Variants in AP4E1 observed in about 807,000 individuals in gnomAD.
AP4E1 encodes the protein AP-4 complex subunit epsilon-1.
In AP4E1, 56 loss-of-function variants were observed where a neutral mutation model predicts 128.2. That is an observed-to-expected ratio of 0.44 (90% CI 0.35 to 0.55). AP4E1 has a LOEUF of 0.55. AP4E1 is among the 20% of genes least tolerant of loss of function. AP4E1 has a pLI of 0.00. For missense variants in AP4E1, 1,324 were observed against 1,307.7 expected, an observed-to-expected ratio of 1.01 and a Z score of -0.19; for synonymous variants, 484 against 473.1, an observed-to-expected ratio of 1.02 and a Z score of -0.30.
intron 13 of AP4E1, among the ~76,000 whole-genome samples, chr15:50,954,716 T>G (rs920193100): frequency 6.6e-6 from 1 of 152,200 alleles, no homozygotes. Flanking sequence ...AAAAGTTACT[T>G]TAAGTTCTAG....
At chr15:50,910,286 A>ACAGG (rs2063549296) in intron 1 of AP4E1, among the ~76,000 whole-genome samples, 1 of 152,058 alleles carries the variant, frequency 6.6e-6, no homozygotes, top group Non-Finnish European at 1.5e-5. Flanking sequence ...CCGGGCCCCC[A>ACAGG]CAGGCGCTCG....
In AP4E1 at chr15:50,992,052, A is replaced by G. The variant is rs972281921; in HGVS notation, c.2091-1318A>G. On this transcript the variant is annotated intron_variant, in intron 16 of 20. Transcript: ENST00000261842. ...TTGACCCTTGAACAATATGGGTTAA[A>G]CTGTGCGGGTCCACTTAATACACAG... Among the ~76,000 whole-genome samples, 3 of 151,702 alleles carry G rather than the reference A, an allele frequency of 2.0e-5. No individual in the cohort carries two copies. The South Asian group carries it at 6.3e-4, about 32-fold the overall frequency.
chr15:50,967,455 C>T (rs1028757371), intron 14 of AP4E1, among the ~76,000 whole-genome samples: 1 of 152,188 alleles, frequency 6.6e-6, no homozygotes, highest in African/African-American at 2.4e-5. Context: ...GGAATGTTGG[C>T]AGTCTCTAAA....
chr15:50,970,556 A>G (rs1341061047), intron 15 of AP4E1, among the ~76,000 whole-genome samples: 2 of 152,194 alleles, frequency 1.3e-5, no homozygotes, highest in Admixed American at 6.5e-5. Context: ...TGTTGGGTAC[A>G]TATATATTTA....
chr15:50,988,922 T>C (rs945557857), intron 16 of AP4E1, among the ~76,000 whole-genome samples: 8 of 152,216 alleles, frequency 5.3e-5, no homozygotes, highest in African/African-American at 1.2e-4. Flanking sequence ...TTCATCCTTG[T>C]TAGGTATACT....
chr15:50,998,751 A>G (rs2064916539), intron 18 of AP4E1, among the ~76,000 whole-genome samples: 1 of 152,192 alleles, frequency 6.6e-6, no homozygotes, highest in Non-Finnish European at 1.5e-5. Context: ...ATTTGTATTT[A>G]TATTTATATT....
At chr15:50,956,546 A>AG (rs1309427588) in intron 13 of AP4E1, among the ~76,000 whole-genome samples, 2 of 152,192 alleles carry the variant, frequency 1.3e-5, no homozygotes, top group East Asian at 3.9e-4. Context: ...GGGAGGCCTC[A>AG]GGAAACTTAA....
At chr15:50,908,977 C>T in intron 1 of AP4E1, 49 bp downstream of exon 1, 1 of 1,604,150 alleles carries the variant, frequency 6.2e-7, no homozygotes. Flanking sequence ...GTGAGGCCCC[C>T]GCGCCAGGAG....
At chr15:50,983,919 G>A in intron 15 of AP4E1, 103 bp from the exon 16 acceptor site, 1 of 1,149,020 alleles carries the variant, frequency 8.7e-7, no homozygotes, top group Non-Finnish European at 1.3e-6. Flanking sequence ...TTTAAAAATG[G>A]CTATTAGTTC....
chr15:50,963,786 A>G (rs2064349563), intron 14 of AP4E1, among the ~76,000 whole-genome samples: 1 of 152,272 alleles, frequency 6.6e-6, no homozygotes, highest in African/African-American at 2.4e-5. Flanking sequence ...TACGTATTAC[A>G]CATTCTATGC....
intron 16 of AP4E1, among the ~76,000 whole-genome samples, chr15:50,989,174 T>C (rs1343123005): frequency 2.0e-5 from 3 of 152,220 alleles, no homozygotes; most frequent in African/African-American, 7.2e-5. Context: ...GACAGTAAAG[T>C]AAGGAAATGG....
chr15:50,909,371 T>C (rs1319829211), intron 1 of AP4E1, among the ~76,000 whole-genome samples: 1 of 152,188 alleles, frequency 6.6e-6, no homozygotes, highest in African/African-American at 2.4e-5. Flanking sequence ...TCTCCCCCGG[T>C]GCCTTCAACT....
rs1428342608 is a variant in AP4E1 at position 50,925,095 on chromosome 15, CAG to C, written c.421-2_421-1del. On this transcript the variant is annotated splice_acceptor_variant, in intron 4 of 20. Transcript: ENST00000261842. LOFTEE classifies it high-confidence loss of function. ...ATGTTTTCTTTGCTTAATGTTGTGC[CAG>C]GATCTGCAGAGCACTAACCTAGTAG... The C allele has an allele frequency of 6.2e-7, 1 of 1,613,790 alleles. No homozygotes were observed. Among genetic ancestry groups the C allele is most frequent in the African/African-American group, 1.3e-5 (1 of 75,026 alleles).
chr15:50,976,680 A>C (rs997717116), intron 15 of AP4E1, among the ~76,000 whole-genome samples: 2 of 152,244 alleles, frequency 1.3e-5, no homozygotes, highest in East Asian at 1.9e-4. Flanking sequence ...GGAAAGTTGT[A>C]GGATGCAAAG....
intron 20 of AP4E1, among the ~76,000 whole-genome samples, chr15:51,001,928 G>T (rs1311936460): frequency 6.6e-6 from 1 of 152,070 alleles, no homozygotes; most frequent in Non-Finnish European, 1.5e-5. Flanking sequence ...ACCCATGCTG[G>T]AGTACAGTGG....
chr15:50,958,344 A>C, intron 13 of AP4E1, 148 bp from the exon 14 acceptor site: 1 of 663,838 alleles, frequency 1.5e-6, no homozygotes, highest in South Asian at 2.1e-5. Context: ...TAAAATATAC[A>C]GTTGTATCTT....
At chr15:50,936,357 T>A (rs2063908112) in intron 8 of AP4E1, among the ~76,000 whole-genome samples, 1 of 152,034 alleles carries the variant, frequency 6.6e-6, no homozygotes, top group Non-Finnish European at 1.5e-5. Flanking sequence ...GTTAAAAATC[T>A]GCTTTTTTTT....
At chr15:50,930,780 AAG>A in intron 6 of AP4E1, 23 bp from the exon 7 acceptor site, 2 of 1,613,502 alleles carry the variant, frequency 1.2e-6, no homozygotes, top group Non-Finnish European at 1.7e-6. Flanking sequence ...GTTATTAACA[AAG>A]TTTTTTTTGC....
intron 8 of AP4E1, among the ~76,000 whole-genome samples, chr15:50,941,147 T>C (rs767692800): frequency 3.9e-5 from 6 of 152,188 alleles, no homozygotes; most frequent in Non-Finnish European, 8.8e-5. Flanking sequence ...ACTGCTATAT[T>C]CATAGTACTG....
Sources: allele counts gnomAD v4.1 joint callset (sites outside exome capture counted in the v4.1 genomes callset), GRCh38; gene constraint gnomAD v4.1.1; transcripts MANE v1.5; gene names NCBI Gene and HGNC (gene_info 2026-07-23, HGNC 2026-07-21).